AUTS2: variants seen among roughly 807,000 people sequenced by gnomAD.
AUTS2 encodes autism susceptibility gene 2 protein.
In AUTS2, 17 loss-of-function variants were observed where a neutral mutation model predicts 112.4. That is an observed-to-expected ratio of 0.15 (90% CI 0.10 to 0.23). The LOEUF is 0.23. Among genes scored for constraint, AUTS2 ranks in the 10% least tolerant of loss-of-function variants. AUTS2 has a pLI of 1.00. For synonymous variants in AUTS2, 751 were observed against 702.7 expected, an observed-to-expected ratio of 1.07 and a Z score of -1.09; for missense variants, 1,510 against 1,701.6, an observed-to-expected ratio of 0.89 and a Z score of 1.98.
At chr7:70,082,925 T>TACCTACTG (rs1415409865) in intron 2 of AUTS2, among the ~76,000 whole-genome samples, 1 of 152,206 alleles carries the variant, frequency 6.6e-6, no homozygotes, top group African/African-American at 2.4e-5. Flanking sequence ...TTTTATTCAG[T>TACCTACTG]ACCTACTGTG....
chr7:70,194,525 G>A (rs184004147), intron 4 of AUTS2: 1 of 152,284 alleles, frequency 6.6e-6, no homozygotes. Context: ...TTACATGCTT[G>A]TCCAGGAGTA....
chr7:70,689,498 C>A (rs1808637518), intron 5 of AUTS2, among the ~76,000 whole-genome samples: 1 of 151,312 alleles, frequency 6.6e-6, no homozygotes, highest in African/African-American at 2.4e-5. Flanking sequence ...CGTTCCCAGC[C>A]AGGCACGGTG....
At chr7:69,896,954 G>A (rs889254588) in intron 1 of AUTS2, among the ~76,000 whole-genome samples, 4 of 152,222 alleles carry the variant, frequency 2.6e-5, no homozygotes, top group East Asian at 1.9e-4. Flanking sequence ...ATCCTTTAGC[G>A]TTGTTAACTC....
intron 6 of AUTS2, among the ~76,000 whole-genome samples, chr7:70,735,317 G>A (rs191229342): frequency 5.3e-5 from 8 of 152,276 alleles, no homozygotes; most frequent in Admixed American, 2.0e-4. Context: ...ATGTCAAAAC[G>A]ACATGGCAAA....
At chr7:70,446,282 T>A (rs776395709) in intron 5 of AUTS2, among the ~76,000 whole-genome samples, 2 of 152,220 alleles carry the variant, frequency 1.3e-5, no homozygotes, top group Non-Finnish European at 2.9e-5. Context: ...TTAAAGATTA[T>A]GTATTTGCCA....
chr7:70,330,147 G>A (rs1262600900), intron 4 of AUTS2, among the ~76,000 whole-genome samples: 1 of 152,124 alleles, frequency 6.6e-6, no homozygotes, highest in Non-Finnish European at 1.5e-5. Context: ...CAGTTTATCT[G>A]TTTTTTCTTT....
At chr7:70,581,262 T>G (rs1802426950) in intron 5 of AUTS2, among the ~76,000 whole-genome samples, 1 of 152,126 alleles carries the variant, frequency 6.6e-6, no homozygotes, top group Non-Finnish European at 1.5e-5. Context: ...GGCTCATGCC[T>G]GTAATCCCAG....
intron 10 of AUTS2, chr7:70,771,188 A>C (rs1193957262): frequency 6.2e-6 from 1 of 160,690 alleles, no homozygotes; most frequent in Non-Finnish European, 1.3e-5. Context: ...ATTAACTTGT[A>C]ATTTTCTGGG....
chr7:70,774,845 T>G (rs1385519922), intron 12 of AUTS2: 1 of 153,866 alleles, frequency 6.5e-6, no homozygotes, highest in Non-Finnish European at 1.4e-5. Context: ...TATGTAAGTA[T>G]GTCATGATGT....
intron 5 of AUTS2, among the ~76,000 whole-genome samples, chr7:70,633,543 G>A (rs942236283): frequency 5.3e-5 from 8 of 151,186 alleles, no homozygotes; most frequent in African/African-American, 9.7e-5. Flanking sequence ...CCCTGGAGGC[G>A]GAGGTTGCAG....
At chr7:70,651,820 A>T (rs188625757) in intron 5 of AUTS2, among the ~76,000 whole-genome samples, 79 of 152,222 alleles carry the variant, frequency 5.2e-4, no homozygotes, top group Non-Finnish European at 8.5e-4. Flanking sequence ...CACTGAATTC[A>T]GAAGTATTTG....
chr7:69,737,215 T>G (rs1375384564), intron 1 of AUTS2, among the ~76,000 whole-genome samples: 1 of 152,212 alleles, frequency 6.6e-6, no homozygotes, highest in Non-Finnish European at 1.5e-5. Flanking sequence ...AGATTGTTTT[T>G]TTTGTTTCTT....
intron 4 of AUTS2, among the ~76,000 whole-genome samples, chr7:70,224,351 A>G (rs914389185): frequency 0.038 from 4,014 of 106,750 alleles, 101 homozygotes; most frequent in African/African-American, 0.074. Flanking sequence ...ATACAATACA[A>G]TACAATACAA....
At chr7:70,713,203 A>G (rs373595671) in intron 6 of AUTS2, among the ~76,000 whole-genome samples, 15 of 152,318 alleles carry the variant, frequency 9.8e-5, no homozygotes, top group African/African-American at 3.6e-4. Context: ...TGCATCACCA[A>G]TGCCGGCCTG....
At chr7:70,259,726 T>C (rs1003773029) in intron 4 of AUTS2, among the ~76,000 whole-genome samples, 2 of 152,218 alleles carry the variant, frequency 1.3e-5, no homozygotes, top group Non-Finnish European at 2.9e-5. Context: ...AGAGGACTTT[T>C]CTGTTAAGTG....
intron 1 of AUTS2, among the ~76,000 whole-genome samples, chr7:69,662,259 T>C (rs1346904946): frequency 6.6e-6 from 1 of 151,966 alleles, no homozygotes; most frequent in Non-Finnish European, 1.5e-5. Flanking sequence ...CATTTGATAG[T>C]AATTGCTTCC....
chr7:70,529,025 A>G (rs927222681), intron 5 of AUTS2, among the ~76,000 whole-genome samples: 4 of 152,340 alleles, frequency 2.6e-5, no homozygotes, highest in East Asian at 3.9e-4. Context: ...CCAAGGAGAC[A>G]TAGGAGTGCC....
chr7:69,878,748 A>G (rs1010587905), intron 1 of AUTS2, among the ~76,000 whole-genome samples: 10 of 152,300 alleles, frequency 6.6e-5, no homozygotes, highest in Admixed American at 2.0e-4. Context: ...AAGAGCATCA[A>G]TTATGTATTA....
intron 5 of AUTS2, among the ~76,000 whole-genome samples, chr7:70,481,659 C>A (rs537543633): frequency 2.0e-5 from 3 of 152,138 alleles, no homozygotes; most frequent in Non-Finnish European, 4.4e-5. Context: ...TCTCTGTCGG[C>A]CACATCAAAA....
Sources: gnomAD v4.1 joint callset for allele counts (sites outside exome capture counted in the v4.1 genomes callset) on GRCh38, gnomAD v4.1.1 for gene constraint, MANE v1.5 for transcripts, NCBI Gene and HGNC (gene_info 2026-07-23, HGNC 2026-07-21) for gene names.